Variants in SPIRE1 observed in about 807,000 individuals in gnomAD.
SPIRE1 encodes protein spire homolog 1.
SPIRE1 carries 40 observed loss-of-function variants against 94.1 expected under a neutral mutation model. The observed-to-expected ratio is 0.43, with a 90% CI of 0.33 to 0.55. The LOEUF is 0.55. SPIRE1 is among the 20% of genes least tolerant of loss of function. The probability of loss-of-function intolerance (pLI) is 0.06; values close to 1 mark genes in which losing one functional copy is unlikely to be tolerated. For missense variants in SPIRE1, 838 were observed against 975.2 expected, an observed-to-expected ratio of 0.86 and a Z score of 1.87; for synonymous variants, 376 against 371.7, an observed-to-expected ratio of 1.01 and a Z score of -0.13.
At chr18:12,541,060 T>G (rs531829126) in intron 3 of SPIRE1, among the ~76,000 whole-genome samples, 14 of 152,336 alleles carry the variant, frequency 9.2e-5, no homozygotes, top group South Asian at 8.3e-4. Context: ...CACGCATTTG[T>G]TATTATTCAG....
At chr18:12,450,680 G>C in intron 16 of SPIRE1, 1 of 633,810 alleles carries the variant, frequency 1.6e-6, no homozygotes, top group Middle Eastern at 3.0e-4. Flanking sequence ...GAAGGATTAT[G>C]GACCAGCTAA....
chr18:12,496,705 T>C (rs1157579503), intron 6 of SPIRE1, among the ~76,000 whole-genome samples: 1 of 151,966 alleles, frequency 6.6e-6, no homozygotes, highest in Non-Finnish European at 1.5e-5. Flanking sequence ...CTGTCTCTAC[T>C]AAAAATACAA....
chr18:12,447,934 T>C lies in SPIRE1; in HGVS notation c.*1704A>G, dbSNP rs2031025187. On this transcript the variant is annotated 3_prime_UTR_variant, in exon 17 of 17. Transcript: ENST00000409402. ...AGATTTATACTCCCACCTAACTGTC[T>C]GGAGTATAGAGTTCAGATAGTCTCT... The C allele has an allele frequency of 6.6e-6, 1 of 152,172 alleles. No homozygotes were observed. Among genetic ancestry groups the C allele is most frequent in the Non-Finnish European group, 1.5e-5 (1 of 68,020 alleles). The allele number at this position is 152,172 out of a possible 1,614,324, so 9.4% of individuals were successfully genotyped here.
At chr18:12,637,581 AC>A (rs1410536442) in intron 1 of SPIRE1, among the ~76,000 whole-genome samples, 2 of 152,176 alleles carry the variant, frequency 1.3e-5, no homozygotes, top group Non-Finnish European at 2.9e-5. Flanking sequence ...GAATACACAA[AC>A]CTAACGTGAG....
intron 4 of SPIRE1, among the ~76,000 whole-genome samples, chr18:12,527,424 G>C (rs1007548586): frequency 6.6e-6 from 1 of 152,144 alleles, no homozygotes; most frequent in Admixed American, 6.5e-5. Flanking sequence ...CATAAACAAA[G>C]GATGAGATAC....
chr18:12,638,003 G>C (rs748589346), intron 1 of SPIRE1, among the ~76,000 whole-genome samples: 1 of 152,186 alleles, frequency 6.6e-6, no homozygotes, highest in Non-Finnish European at 1.5e-5. Flanking sequence ...TGAAAAGGCT[G>C]TAAGTACAAA....
chr18:12,564,665 G>C (rs1723076287), intron 2 of SPIRE1, among the ~76,000 whole-genome samples: 1 of 152,120 alleles, frequency 6.6e-6, no homozygotes, highest in African/African-American at 2.4e-5. Flanking sequence ...TTCCAGAGCA[G>C]AGCATTATAA....
At chr18:12,657,099 C>G (rs897476632) in intron 1 of SPIRE1, among the ~76,000 whole-genome samples, 1 of 152,232 alleles carries the variant, frequency 6.6e-6, no homozygotes, top group Admixed American at 6.5e-5. Flanking sequence ...GCGGAGCCCC[C>G]GCGTGAAGCC....
intron 2 of SPIRE1, among the ~76,000 whole-genome samples, chr18:12,632,592 C>T (rs984032670): frequency 9.9e-5 from 15 of 152,124 alleles, no homozygotes; most frequent in Admixed American, 7.2e-4. Context: ...TCCCAATCTC[C>T]TCCCCACTGA....
In SPIRE1 at chr18:12,614,506, T is replaced by C. The variant is rs533868701; in HGVS notation, c.372+20556A>G. Reference sequence around the variant, plus strand: ...GAGACTGGGAAAGAAGGGAAGGGAATGCAATATGCAATTAAAACCAGAAAC... The same window carrying C: ...GAGACTGGGAAAGAAGGGAAGGGAACGCAATATGCAATTAAAACCAGAAAC... On this transcript the variant is annotated intron_variant, in intron 2 of 16. Coordinates refer to ENST00000409402, the MANE Select transcript of SPIRE1 (RefSeq NM_001128626.2). Among the ~76,000 whole-genome samples, 13 of 152,306 alleles carry C rather than the reference T, an allele frequency of 8.5e-5. No homozygotes were observed. In the South Asian group the frequency reaches 1.2e-3, roughly 15 times the overall value.
chr18:12,467,173 G>A (rs1441895710), intron 10 of SPIRE1, among the ~76,000 whole-genome samples: 1 of 152,248 alleles, frequency 6.6e-6, no homozygotes, highest in Non-Finnish European at 1.5e-5. Flanking sequence ...AGCTACTTGG[G>A]AGGCTGAGGC....
At chr18:12,540,611 G>A (rs539310260) in intron 3 of SPIRE1, among the ~76,000 whole-genome samples, 2 of 152,254 alleles carry the variant, frequency 1.3e-5, no homozygotes, top group East Asian at 3.9e-4. Context: ...CCTGATCTCA[G>A]GTGATCTGTC....
chr18:12,606,655 C>T (rs946343128), intron 2 of SPIRE1, among the ~76,000 whole-genome samples: 28 of 151,998 alleles, frequency 1.8e-4, no homozygotes, highest in Non-Finnish European at 3.7e-4. Context: ...CTCAGCCTCC[C>T]GAGTAGCTGG....
Position 12,546,768 on chromosome 18 carries a change from T to C in SPIRE1, c.509A>G (p.Asn170Ser). Residue 170 changes from asparagine to serine, a missense_variant, in exon 3 of 17, where the codon AAT becomes AGT. By Grantham distance (46) the Asn-to-Ser change is conservative (BLOSUM62 1). This residue lies in a region of SPIRE1 where 645 missense variants were observed against 804.7 expected (regional missense o/e 0.80). Coordinates refer to ENST00000409402, the MANE Select transcript of SPIRE1 (RefSeq NM_001128626.2). ...MANTVEADGS[N>S]DEGYEAAEEG... is the part of the protein sequence containing the mutation. ...TTCTGCAGCCTCATAGCCCTCATCA[T>C]TGCTACCGTCAGCTTCCACCGTGTT... 3 of 1,614,180 alleles carry C rather than the reference T, an allele frequency of 1.9e-6. No homozygotes were observed. Among genetic ancestry groups the C allele is most frequent in the Non-Finnish European group, 2.5e-6 (3 of 1,180,026 alleles).
intron 8 of SPIRE1, among the ~76,000 whole-genome samples, chr18:12,490,907 T>C (rs1216124859): frequency 6.6e-6 from 1 of 152,068 alleles, no homozygotes. Context: ...ATATTCAACA[T>C]AGTACTGGTA....
intron 1 of SPIRE1, among the ~76,000 whole-genome samples, chr18:12,655,787 T>C (rs1289456527): frequency 1.3e-5 from 2 of 152,166 alleles, no homozygotes; most frequent in African/African-American, 4.8e-5. Flanking sequence ...GACAAGACAA[T>C]GTAAACTGGG....
Position 12,637,496 on chromosome 18 carries a change from A to C in SPIRE1, c.338-2400T>G, listed in dbSNP as rs575695739. On this transcript the variant is annotated intron_variant, in intron 1 of 16. Transcript: ENST00000409402. ...TAGTATAAAATTCTGAAACTATTTT[A>C]ATGTATTGCAGCAATGAGCACATGA... Among the ~76,000 whole-genome samples the C allele has an allele frequency of 5.6e-4, 85 of 152,288 alleles. 1 individual carries two copies. The highest frequency in any genetic ancestry group is 2.0e-3 in the African/African-American group (84 of 41,568).
rs555814296 is a variant in SPIRE1, at chr18:12,571,055, C to A, written c.373-24151G>T. Among the ~76,000 whole-genome samples, 5 of 151,948 alleles carry A rather than the reference C, an allele frequency of 3.3e-5. No individual in the cohort carries two copies. In the East Asian group the frequency reaches 5.8e-4, roughly 18 times the overall value. On this transcript the variant is annotated intron_variant, in intron 2 of 16. Coordinates refer to ENST00000409402, the MANE Select transcript of SPIRE1 (RefSeq NM_001128626.2). ...TAAAAGGTTACATATTTATCTCAAA[C>A]CTATTTTATCCTATTTATTTATTAA...
intron 2 of SPIRE1, among the ~76,000 whole-genome samples, chr18:12,605,650 A>G (rs2036955073): frequency 2.0e-5 from 3 of 152,242 alleles, no homozygotes; most frequent in Admixed American, 2.0e-4. Context: ...AAATTACCAC[A>G]TGCATTACTG....
Sources: allele counts gnomAD v4.1 joint callset (sites outside exome capture counted in the v4.1 genomes callset), GRCh38; gene constraint gnomAD v4.1.1; regional missense constraint gnomAD v4.1.1; transcripts MANE v1.5; gene names NCBI Gene and HGNC (gene_info 2026-07-23, HGNC 2026-07-21).